TCTN2: variants seen among roughly 807,000 people sequenced by gnomAD.
The protein encoded by TCTN2 is tectonic-2.
A neutral mutation model predicts 83.4 loss-of-function variants in TCTN2; 66 were observed. That is an observed-to-expected ratio of 0.79 (90% confidence interval 0.65 to 0.97). The LOEUF is 0.97. Ranked by LOEUF, TCTN2 falls within the 50% of genes least tolerant of loss-of-function variation. The pLI, the probability that TCTN2 is intolerant of heterozygous loss-of-function variation, is 0.00. For synonymous variants in TCTN2, 301 were observed against 326.7 expected, an observed-to-expected ratio of 0.92 and a Z score of 0.85; for missense variants, 794 against 858.1, an observed-to-expected ratio of 0.93 and a Z score of 0.93.
At chr12:123,696,260 T>C in intron 11 of TCTN2, 155 bp from the exon 12 acceptor site, 1 of 675,260 alleles carries the variant, frequency 1.5e-6, no homozygotes, top group African/African-American at 1.8e-5. Flanking sequence ...CTGTTTTTTT[T>C]GAGACCCGAA....
chr12:123,701,906 A>G (rs552092188), intron 14 of TCTN2, among the ~76,000 whole-genome samples: 1 of 152,214 alleles, frequency 6.6e-6, no homozygotes, highest in Non-Finnish European at 1.5e-5. Flanking sequence ...TGTACATGGA[A>G]TAAAGGTAAA....
chr12:123,690,745 TAA>T, intron 8 of TCTN2, 71 bp downstream of exon 8: 1 of 1,563,470 alleles, frequency 6.4e-7, no homozygotes, highest in Non-Finnish European at 8.8e-7. Flanking sequence ...CATGAGAGTA[TAA>T]ATCATTTCTA....
chr12:123,671,282 C>T lies in TCTN2; in HGVS notation c.42C>T (p.Phe14=), dbSNP rs1480104679. 6.2e-7 allele frequency: 1 copy of T among 1,608,068 alleles called. No homozygotes were observed. The highest frequency in any genetic ancestry group is 1.3e-5 in the African/African-American group (1 of 74,702). ...QPPAALLLRL[F]LLQGILRLLW... ...CGGCCGCTCTTCTTTTGAGGCTTTT[C>T]CTTCTGCAGGGCATCCTGAGGCTTC... The change falls in exon 1 of 18, where the codon TTC becomes TTT. Residue 14 remains phenylalanine, a synonymous_variant. Coordinates refer to ENST00000303372, the MANE Select transcript of TCTN2 (RefSeq NM_024809.5).
chr12:123,705,181 T>TG (rs1956215285), intron 15 of TCTN2, among the ~76,000 whole-genome samples: 1 of 148,560 alleles, frequency 6.7e-6, no homozygotes, highest in Non-Finnish European at 1.5e-5. Context: ...TTTTTTTTTT[T>TG]GAGACAGAGT....
In TCTN2 at chr12:123,695,223, T is replaced by C; in HGVS notation, c.1238T>C (p.Ile413Thr). The change falls in exon 11 of 18, where the codon ATA becomes ACA. Residue 413 changes from isoleucine (I) to threonine (T), a missense_variant. Ile to Thr is a moderately conservative substitution (Grantham distance 89, BLOSUM62 -1). Coordinates refer to ENST00000303372, the MANE Select transcript of TCTN2 (RefSeq NM_024809.5). The stretch of plus-strand genomic sequence containing the variant: ...TTTTATTTTGTTTTATTTCTAGGGA[T>C]AATGACACAGAGATTTGTAGTAAAA... ...RAEINAHQKG[I>T]MTQRFVVKFL... 6.4e-7 allele frequency: 1 copy of C among 1,554,470 alleles called. No individual in the cohort carries two copies. The highest frequency in any genetic ancestry group is 8.9e-7 in the Non-Finnish European group (1 of 1,126,046).
rs1201687714 is a variant in TCTN2 at position 123,686,980 on chromosome 12, G to A, written c.709G>A (p.Val237Met). Reference protein sequence around the residue: ...GVPDWFPFLCVQSPLANTPFL... With the variant: ...GVPDWFPFLCMQSPLANTPFL... ...CCCCGATTGGTTTCCCTTTCTGTGTGTGCAGTCCCCCCTTGCCAACACACC... is the reference window on the plus strand; with the variant it reads ...CCCCGATTGGTTTCCCTTTCTGTGTATGCAGTCCCCCCTTGCCAACACACC... Residue 237 changes from valine to methionine, a missense_variant, in exon 6 of 18, where the codon GTG (valine) becomes ATG (methionine). Transcript: ENST00000303372. 1 of 1,614,168 alleles carries A rather than the reference G, an allele frequency of 6.2e-7. No individual in the cohort carries two copies. The highest frequency in any genetic ancestry group is 8.5e-7 in the Non-Finnish European group (1 of 1,180,048).
At chr12:123,687,120 C>T in intron 6 of TCTN2, 85 bp downstream of exon 6, 1 of 1,503,526 alleles carries the variant, frequency 6.7e-7, no homozygotes, top group African/African-American at 1.4e-5. Flanking sequence ...GCAACGCGGT[C>T]ACGTTTTTCC....
rs1956088801 is a variant in TCTN2 at position 123,694,893 on chromosome 12, A to G, written c.1151A>G (p.His384Arg). Reference protein sequence around the residue: ...STPRIVNVEEHYIFKWNNNTI... With the variant: ...STPRIVNVEERYIFKWNNNTI... ...CCTAGAATTGTGAATGTGGAAGAAC[A>G]TTATATTTTCAAATGGAATAATAAT... The change falls in exon 10 of 18, where the codon CAT (histidine) becomes CGT (arginine). Residue 384 changes from histidine (H) to arginine (R), a missense_variant. Coordinates refer to ENST00000303372, the MANE Select transcript of TCTN2 (RefSeq NM_024809.5). 6.2e-7 allele frequency: 1 copy of G among 1,613,522 alleles called. No individual in the cohort carries two copies. The highest frequency in any genetic ancestry group is 8.5e-7 in the Non-Finnish European group (1 of 1,179,470).
chr12:123,691,264 C>T (rs184824287), intron 8 of TCTN2, among the ~76,000 whole-genome samples: 164 of 152,276 alleles, frequency 1.1e-3, no homozygotes, highest in African/African-American at 3.6e-3. Context: ...AACGTTTCAT[C>T]GCCTCAGAAG....
chr12:123,692,495 G>T (rs747640160), intron 8 of TCTN2, among the ~76,000 whole-genome samples, 163 bp from the exon 9 acceptor site: 9 of 152,158 alleles, frequency 5.9e-5, no homozygotes, highest in Admixed American at 1.3e-4. Context: ...TAAGAGGATG[G>T]GGACTCCTAT....
chr12:123,705,215 T>A (rs901424722), intron 15 of TCTN2, among the ~76,000 whole-genome samples: 15 of 144,646 alleles, frequency 1.0e-4, no homozygotes, highest in African/African-American at 3.7e-4. Flanking sequence ...CAGGCTGGAG[T>A]GCAGTGGCAA....
intron 5 of TCTN2, among the ~76,000 whole-genome samples, chr12:123,686,393 TGAGGGCCTG>T (rs542102765): frequency 6.6e-6 from 1 of 152,164 alleles, no homozygotes; most frequent in Non-Finnish European, 1.5e-5. Flanking sequence ...TATAATCTAG[TGAGGGCCTG>T]GAGGATCCTT....
chr12:123,682,818 C>G (rs1331667510), intron 5 of TCTN2, among the ~76,000 whole-genome samples: 1 of 152,078 alleles, frequency 6.6e-6, no homozygotes, highest in Non-Finnish European at 1.5e-5. Flanking sequence ...CTTTGAGGCA[C>G]AGACATTTAA....
At chr12:123,688,211 CTCT>C in intron 7 of TCTN2, 34 bp downstream of exon 7, 1 of 1,548,460 alleles carries the variant, frequency 6.5e-7, no homozygotes, top group Non-Finnish European at 8.7e-7. Flanking sequence ...CTAGACCGTT[CTCT>C]TTTTTTTTTT....
At chr12:123,680,352 C>CAAA (rs550243428) in intron 5 of TCTN2, among the ~76,000 whole-genome samples, 37 of 109,070 alleles carry the variant, frequency 3.4e-4, no homozygotes, top group South Asian at 9.7e-4. Context: ...AACTCCGTTT[C>CAAA]AAAAAAAAAA....
intron 7 of TCTN2, among the ~76,000 whole-genome samples, chr12:123,688,848 C>T (rs1417350696): frequency 4.0e-5 from 6 of 151,878 alleles, no homozygotes; most frequent in Non-Finnish European, 8.8e-5. Context: ...CTCTGCCTCC[C>T]GGGTTCAAGC....
At chr12:123,688,279 G>A in intron 7 of TCTN2, 102 bp downstream of exon 7, 3 of 1,442,094 alleles carry the variant, frequency 2.1e-6, no homozygotes, top group South Asian at 1.2e-5. Context: ...TGCAGTGCCA[G>A]ATCTCGGCTC....
intron 6 of TCTN2, among the ~76,000 whole-genome samples, chr12:123,687,386 G>A (rs1267721118): frequency 6.6e-6 from 1 of 152,144 alleles, no homozygotes; most frequent in Non-Finnish European, 1.5e-5. Flanking sequence ...GGCCGGGAGC[G>A]GTGGCTCACG....
Position 123,708,294 on chromosome 12 carries a change from A to C in TCTN2, c.*581A>C, listed in dbSNP as rs907952575. The C allele has an allele frequency of 6.3e-6, 1 of 157,574 alleles. No homozygotes were observed. Among genetic ancestry groups the C allele is most frequent in the Non-Finnish European group, 1.4e-5 (1 of 71,004 alleles). 9.8% of individuals were successfully genotyped at this position (157,574 alleles called of 1,614,324 possible). A position where few individuals can be genotyped will look rare whatever the true frequency, so the allele number is the denominator to read the frequency against. On this transcript the variant is annotated 3_prime_UTR_variant, in exon 18 of 18. Transcript: ENST00000303372. ...AGACGTGAGCCACTGCGTCCGGTCCATCTGACTTCTCAAAGACTTTAGACC... is the reference window on the plus strand; with the variant it reads ...AGACGTGAGCCACTGCGTCCGGTCCCTCTGACTTCTCAAAGACTTTAGACC...
Sources: allele counts gnomAD v4.1 joint callset (sites outside exome capture counted in the v4.1 genomes callset), GRCh38; gene constraint gnomAD v4.1.1; transcripts MANE v1.5; gene names NCBI Gene and HGNC (gene_info 2026-07-23, HGNC 2026-07-21).